The following TAF4 variants were observed in gnomAD, a reference collection of about 807,000 sequenced individuals.
The protein encoded by TAF4 is TATA-box binding protein associated factor 4, also known as transcription initiation factor TFIID subunit 4.
Under a neutral mutation model 90.3 loss-of-function variants are expected in TAF4, and 9 were observed. That is an observed-to-expected ratio of 0.10 (90% CI 0.06 to 0.17). The LOEUF (loss-of-function observed/expected upper bound fraction) is 0.17, where lower values mean the gene tolerates loss of function less well. Among genes scored for constraint, TAF4 ranks in the 10% least tolerant of loss-of-function variants. The probability of loss-of-function intolerance (pLI) is 1.00; values close to 1 mark genes in which losing one functional copy is unlikely to be tolerated. For synonymous variants in TAF4, 818 were observed against 638.9 expected, an observed-to-expected ratio of 1.28 and a Z score of -4.23; for missense variants, 1,351 against 1,370.7, an observed-to-expected ratio of 0.99 and a Z score of 0.23.
chr20:62,029,607 G>A (rs1427051009), intron 1 of TAF4, among the ~76,000 whole-genome samples: 1 of 152,164 alleles, frequency 6.6e-6, no homozygotes, highest in African/African-American at 2.4e-5. Flanking sequence ...CTGACAGTCT[G>A]GTAAAGAATG....
In TAF4 at chr20:62,065,218, A is replaced by G; in HGVS notation, c.593T>C (p.Leu198Ser). 8.7e-7 allele frequency: 1 copy of G among 1,149,210 alleles called. No homozygotes were observed. The highest frequency in any genetic ancestry group is 1.1e-6 in the Non-Finnish European group (1 of 918,102). The allele number at this position is 1,149,210 out of a possible 1,614,324, so 71.2% of individuals were successfully genotyped here. ...GTTCAGCAGCGCGGCGCTCCCATTC[A>G]AAGTTTGCGCGGCGCCGGGGCCGGC... ...KPAGPGAAQT[L>S]NGSAALLNSH... The change falls in exon 1 of 15, where the codon TTG becomes TCG. Residue 198 changes from leucine (L) to serine (S), a missense_variant. Transcript: ENST00000252996.
rs374575979 is a variant in TAF4 at position 62,035,850 on chromosome 20, A to G, written c.1361-21143T>C. ...TAACCAGAATATGCACAGAACTCCT[A>G]TAATTAATACGAAATAATTTAAAGA... On this transcript the variant is annotated intron_variant, in intron 1 of 14. Transcript: ENST00000252996. Among the ~76,000 whole-genome samples, 12 of 152,276 alleles carry G rather than the reference A, an allele frequency of 7.9e-5. No homozygotes were observed. In the East Asian group the frequency reaches 1.7e-3, roughly 22 times the overall value.
intron 14 of TAF4, among the ~76,000 whole-genome samples, chr20:61,983,433 G>A (rs1789786053): frequency 6.6e-6 from 1 of 152,218 alleles, no homozygotes; most frequent in African/African-American, 2.4e-5. Flanking sequence ...GGCCAAGGCA[G>A]GAGGATTCCC....
chr20:62,063,039 A>T (rs1398721485), intron 1 of TAF4, among the ~76,000 whole-genome samples: 4 of 152,196 alleles, frequency 2.6e-5, no homozygotes, highest in Non-Finnish European at 5.9e-5. Context: ...CATACACATA[A>T]CAGCAAAACC....
chr20:62,021,321 A>T (rs1240274514), intron 1 of TAF4, among the ~76,000 whole-genome samples: 1 of 152,258 alleles, frequency 6.6e-6, no homozygotes, highest in Non-Finnish European at 1.5e-5. Flanking sequence ...CAAGGAAACA[A>T]GGGGACTCTC....
chr20:62,031,466 C>G (rs574855650), intron 1 of TAF4, among the ~76,000 whole-genome samples: 1 of 152,186 alleles, frequency 6.6e-6, no homozygotes, highest in African/African-American at 2.4e-5. Context: ...TAACAGAGAG[C>G]CTTCACTTCT....
At chr20:62,029,844 T>C (rs2055894866) in intron 1 of TAF4, among the ~76,000 whole-genome samples, 1 of 151,920 alleles carries the variant, frequency 6.6e-6, no homozygotes, top group South Asian at 2.1e-4. Context: ...AGTCGGAGCT[T>C]GCGGTGAGCC....
At chr20:62,056,323 TA>T (rs1321450670) in intron 1 of TAF4, among the ~76,000 whole-genome samples, 83 of 152,368 alleles carry the variant, frequency 5.4e-4, no homozygotes, top group Non-Finnish European at 1.5e-4. Context: ...GAACGAGGTC[TA>T]ATTTCACTCA....
In TAF4 at chr20:62,014,679, C is replaced by A. The variant is rs1350622042; in HGVS notation, c.1389G>T (p.Gly463=). ...PGMVLVRSEN[G]QLLMIPQQAL... is the part of the protein sequence containing the mutation. ...CCTGCTGAGGAATCATTAACAACTG[C>A]CCATTCTCACTTCGGACGAGGACCA... The change falls in exon 2 of 15, where the codon GGG becomes GGT. Residue 463 remains glycine, a synonymous_variant. Transcript: ENST00000252996. The A allele has an allele frequency of 1.2e-6, 2 of 1,613,872 alleles. No homozygotes were observed. Among genetic ancestry groups the A allele is most frequent in the Non-Finnish European group, 1.7e-6 (2 of 1,179,992 alleles).
At chr20:62,009,969 A>G (rs2055768770) in intron 4 of TAF4, 77 bp downstream of exon 4, 3 of 1,594,288 alleles carry the variant, frequency 1.9e-6, no homozygotes, top group South Asian at 1.1e-5. Flanking sequence ...AGCCGGCCTG[A>G]GGTCTCAAGG....
At chr20:62,020,219 G>A (rs2055834986) in intron 1 of TAF4, among the ~76,000 whole-genome samples, 1 of 152,206 alleles carries the variant, frequency 6.6e-6, no homozygotes, top group Non-Finnish European at 1.5e-5. Context: ...TTCTCAGAGG[G>A]GCATTTCCTC....
chr20:62,020,327 C>G (rs1331961101), intron 1 of TAF4, among the ~76,000 whole-genome samples: 2 of 152,244 alleles, frequency 1.3e-5, no homozygotes, highest in East Asian at 3.8e-4. Flanking sequence ...CAGCTCTCCT[C>G]CTGAGGCTAC....
At chr20:62,019,380 G>GT (rs2055830014) in intron 1 of TAF4, among the ~76,000 whole-genome samples, 1 of 152,366 alleles carries the variant, frequency 6.6e-6, no homozygotes, top group South Asian at 2.1e-4. Flanking sequence ...CTTCAGAAAC[G>GT]TAACTGTCCG....
Position 62,010,206 on chromosome 20 carries a change from C to T in TAF4, c.1642-41G>A, listed in dbSNP as rs201718516. 1.8e-5 allele frequency: 29 copies of T among 1,612,542 alleles called. No individual in the cohort carries two copies. In the African/African-American group the frequency reaches 3.5e-4, roughly 19 times the overall value. On this transcript the variant is annotated intron_variant, in intron 3 of 14. Coordinates refer to ENST00000252996, the MANE Select transcript of TAF4 (RefSeq NM_003185.4). The surrounding 1 kb of genome is among the most constrained non-coding windows in gnomAD (Gnocchi z 4.5). ...AACACAAGGTAAGGGCATCTCACGC[C>T]ACCAGCTGACGAGGGGGAGACCAGC...
intron 1 of TAF4, among the ~76,000 whole-genome samples, chr20:62,049,558 G>T (rs1015620775): frequency 3.3e-5 from 5 of 152,046 alleles, no homozygotes; most frequent in Non-Finnish European, 7.4e-5. Flanking sequence ...TCTCCACATC[G>T]TCCTGGGTCT....
At chr20:61,994,400 C>A (rs1326264501) in intron 14 of TAF4, among the ~76,000 whole-genome samples, 1 of 152,198 alleles carries the variant, frequency 6.6e-6, no homozygotes, top group Non-Finnish European at 1.5e-5. Flanking sequence ...TATTTCTGGC[C>A]CAGAGAAGAA....
At chr20:62,034,155 G>C (rs2055919608) in intron 1 of TAF4, among the ~76,000 whole-genome samples, 1 of 152,088 alleles carries the variant, frequency 6.6e-6, no homozygotes, top group African/African-American at 2.4e-5. Context: ...ATGAAGCACA[G>C]GACGTCAGTG....
At chr20:61,990,282 C>T (rs1490269860) in intron 14 of TAF4, among the ~76,000 whole-genome samples, 1 of 152,206 alleles carries the variant, frequency 6.6e-6, no homozygotes, top group Non-Finnish European at 1.5e-5. Context: ...CCGGAGTCTG[C>T]ACGGAGCTCC....
chr20:61,988,629 G>A (rs2055611022), intron 14 of TAF4, among the ~76,000 whole-genome samples: 1 of 152,194 alleles, frequency 6.6e-6, no homozygotes, highest in Non-Finnish European at 1.5e-5. Flanking sequence ...GTGTCTGAAG[G>A]ACTTTTACTT....
Sources: gnomAD v4.1 joint callset for allele counts (sites outside exome capture counted in the v4.1 genomes callset) on GRCh38, gnomAD v4.1.1 for gene constraint, Gnocchi (gnomAD v3.1) non-coding constraint, MANE v1.5 for transcripts, NCBI Gene and HGNC (gene_info 2026-07-23, HGNC 2026-07-21) for gene names.